The following PLD5 variants were observed in gnomAD, a reference collection of about 807,000 sequenced individuals.
PLD5 encodes the protein inactive phospholipase D5.
PLD5 carries 36 observed loss-of-function variants against 61.1 expected under a neutral mutation model. That is an observed-to-expected ratio of 0.59 (90% CI 0.45 to 0.78). The LOEUF is 0.78. PLD5 is among the 30% of genes least tolerant of loss of function. The pLI is 0.00. For missense variants in PLD5, 515 were observed against 644.4 expected (o/e 0.80, Z 2.17); for synonymous variants, 243 against 242.8 (o/e 1.00, Z -0.01).
intron 1 of PLD5, among the ~76,000 whole-genome samples, chr1:242,447,936 T>C (rs1015586503): frequency 3.9e-5 from 6 of 152,242 alleles, no homozygotes; most frequent in African/African-American, 1.4e-4. Flanking sequence ...CTCAGGCTAA[T>C]GAAGGGAAGA....
intron 1 of PLD5, among the ~76,000 whole-genome samples, chr1:242,489,864 G>A (rs1190359290): frequency 3.3e-5 from 5 of 152,222 alleles, no homozygotes; most frequent in African/African-American, 1.2e-4. Flanking sequence ...CTGCAGAAGA[G>A]CATGTGGAGG....
chr1:242,134,007 T>A (rs1663506407), intron 5 of PLD5, among the ~76,000 whole-genome samples: 1 of 152,220 alleles, frequency 6.6e-6, no homozygotes, highest in African/African-American at 2.4e-5. Flanking sequence ...AGCTTCTTAA[T>A]GAGCAGTGAG....
At chr1:242,295,274 C>T (rs368341742) in intron 2 of PLD5, among the ~76,000 whole-genome samples, 2 of 152,084 alleles carry the variant, frequency 1.3e-5, no homozygotes, top group Non-Finnish European at 2.9e-5. Context: ...TTTATCAATC[C>T]GTCCCCCTCT....
At chr1:242,194,297 G>C (rs955357410) in intron 5 of PLD5, among the ~76,000 whole-genome samples, 2 of 152,136 alleles carry the variant, frequency 1.3e-5, no homozygotes, top group African/African-American at 2.4e-5. Flanking sequence ...GTGTGTTCTA[G>C]GGAATACCTC....
intron 4 of PLD5, among the ~76,000 whole-genome samples, chr1:242,244,863 A>T (rs1672268277): frequency 6.6e-6 from 1 of 152,258 alleles, no homozygotes; most frequent in Admixed American, 6.5e-5. Context: ...CAGAAAATAA[A>T]GTTCTACCTA....
the PLD5 span, among the ~76,000 whole-genome samples, chr1:242,529,825 T>TC: frequency 5.6e-5 from 8 of 143,756 alleles, no homozygotes; most frequent in Admixed American, 2.1e-4. Context: ...CTTCCTTCCT[T>TC]CTTCTTCTCT....
chr1:242,502,823 G>A (rs971071759), intron 1 of PLD5, among the ~76,000 whole-genome samples: 3 of 152,124 alleles, frequency 2.0e-5, no homozygotes, highest in Admixed American at 6.5e-5. Context: ...CACTTTGGGA[G>A]GCTGAGGTGG....
chr1:242,302,575 C>T (rs1278420387), intron 2 of PLD5, among the ~76,000 whole-genome samples: 1 of 152,076 alleles, frequency 6.6e-6, no homozygotes, highest in Non-Finnish European at 1.5e-5. Context: ...AAACATTAGC[C>T]AGGTATGGTA....
At chr1:242,229,451 A>G (rs1052633549) in intron 4 of PLD5, among the ~76,000 whole-genome samples, 2 of 152,186 alleles carry the variant, frequency 1.3e-5, no homozygotes, top group African/African-American at 4.8e-5. Flanking sequence ...CTAGAACCTC[A>G]CCAAAATGTA....
At chr1:242,210,527 G>C (rs188153261) in intron 5 of PLD5, 4 of 153,412 alleles carry the variant, frequency 2.6e-5, no homozygotes, top group Non-Finnish European at 5.8e-5. Context: ...GAAAATGGCC[G>C]GTCCTTGCCT....
intron 4 of PLD5, among the ~76,000 whole-genome samples, chr1:242,244,415 T>C (rs1672242308): frequency 6.6e-6 from 1 of 152,170 alleles, no homozygotes; most frequent in Non-Finnish European, 1.5e-5. Context: ...AATTGAGTAA[T>C]AGATACGTAA....
intron 1 of PLD5, among the ~76,000 whole-genome samples, chr1:242,428,929 T>C (rs1393091139): frequency 2.0e-5 from 3 of 152,190 alleles, no homozygotes; most frequent in Non-Finnish European, 2.9e-5. Context: ...CCCTCGGTGA[T>C]GAATGTTGAG....
chr1:242,136,434 T>C (rs1663736773), intron 5 of PLD5, among the ~76,000 whole-genome samples: 1 of 152,200 alleles, frequency 6.6e-6, no homozygotes, highest in South Asian at 2.1e-4. Flanking sequence ...GTATTCACCA[T>C]ACCCTCCCCA....
chr1:242,126,757 T>C (rs1244671260), intron 5 of PLD5, among the ~76,000 whole-genome samples: 1 of 152,066 alleles, frequency 6.6e-6, no homozygotes, highest in Non-Finnish European at 1.5e-5. Context: ...TAGGCAAGGA[T>C]TTCATGAACA....
rs528592965 is a variant in PLD5 at position 242,200,609 on chromosome 1, C to T, written c.735+19379G>A. Among the ~76,000 whole-genome samples the T allele has an allele frequency of 8.1e-5, 12 of 148,778 alleles. No individual in the cohort carries two copies. In the South Asian group the frequency reaches 8.6e-4, roughly 11 times the overall value. On this transcript the variant is annotated intron_variant, in intron 5 of 9. Transcript: ENST00000536534. ...CACTGATTCAGCCAATTATTAAGTA[C>T]GAGAAACAGTGTGGCACAGGCAAAA...
intron 6 of PLD5, among the ~76,000 whole-genome samples, chr1:242,121,902 G>A (rs1662397594): frequency 7.0e-6 from 1 of 142,614 alleles, no homozygotes; most frequent in Non-Finnish European, 1.5e-5. Flanking sequence ...GAGAACACAT[G>A]GACACAGGGA....
chr1:242,349,712 G>T (rs1261184278), intron 1 of PLD5, among the ~76,000 whole-genome samples: 1 of 152,086 alleles, frequency 6.6e-6, no homozygotes, highest in African/African-American at 2.4e-5. Flanking sequence ...ATGATAACTG[G>T]GAAGGAGCTG....
intron 1 of PLD5, among the ~76,000 whole-genome samples, chr1:242,503,191 C>A (rs1018896114): frequency 2.0e-5 from 3 of 152,130 alleles, no homozygotes; most frequent in African/African-American, 7.2e-5. Flanking sequence ...GGAGGTGGGG[C>A]CTGGTGGGAG....
chr1:242,436,038 G>A (rs1258897027), intron 1 of PLD5, among the ~76,000 whole-genome samples: 3 of 152,120 alleles, frequency 2.0e-5, no homozygotes, highest in Non-Finnish European at 4.4e-5. Context: ...GTATCCAATA[G>A]CCTTCCCTAT....
Sources: allele counts gnomAD v4.1 joint callset (sites outside exome capture counted in the v4.1 genomes callset), GRCh38; gene constraint gnomAD v4.1.1; transcripts MANE v1.5; gene names NCBI Gene and HGNC (gene_info 2026-07-23, HGNC 2026-07-21).